The following CDKL4 variants were observed in gnomAD, a reference collection of about 807,000 sequenced individuals.
CDKL4 encodes the protein cyclin-dependent kinase-like 4.
CDKL4 carries 44 observed loss-of-function variants against 42.0 expected under a neutral mutation model. The observed-to-expected ratio is 1.05, with a 90% CI of 0.82 to 1.35. The LOEUF (loss-of-function observed/expected upper bound fraction) is 1.35, where lower values mean the gene tolerates loss of function less well. Among genes scored for constraint, CDKL4 ranks in the 40% most tolerant of loss-of-function variants. The pLI, the probability that CDKL4 is intolerant of heterozygous loss-of-function variation, is 0.00. For missense variants in CDKL4, 393 were observed against 369.9 expected (o/e 1.06, Z -0.51); for synonymous variants, 120 against 121.6 (o/e 0.99, Z 0.09).
upstream of CDKL4, among the ~76,000 whole-genome samples, chr2:39,244,433 A>C (rs1267017431): frequency 6.6e-6 from 1 of 152,192 alleles, no homozygotes; most frequent in Non-Finnish European, 1.5e-5. Context: ...GCGGCTGCAG[A>C]AGGTGTAATG....
At chr2:39,217,896 G>C (rs1189295990) in intron 3 of CDKL4, among the ~76,000 whole-genome samples, 1 of 152,014 alleles carries the variant, frequency 6.6e-6, no homozygotes, top group Non-Finnish European at 1.5e-5. Flanking sequence ...ATCACACTCA[G>C]CTAACTTTGT....
At chr2:39,210,004 T>C (rs986874440) in intron 4 of CDKL4, among the ~76,000 whole-genome samples, 26 of 152,200 alleles carry the variant, frequency 1.7e-4, no homozygotes, top group African/African-American at 5.5e-4. Context: ...TTATCTTTTT[T>C]TGAGACAGAC....
chr2:39,187,977 A>G (rs1054788281), intron 6 of CDKL4, among the ~76,000 whole-genome samples: 1 of 152,050 alleles, frequency 6.6e-6, no homozygotes, highest in East Asian at 1.9e-4. Flanking sequence ...CTGAGGCAGG[A>G]GAATCGCTTG....
upstream of CDKL4, among the ~76,000 whole-genome samples, chr2:39,244,282 C>G (rs1357701948): frequency 6.6e-6 from 1 of 152,256 alleles, no homozygotes; most frequent in Non-Finnish European, 1.5e-5. Flanking sequence ...GAGGGAGAGG[C>G]GCGAGCGGGA....
At chr2:39,226,583 G>T (rs1678761321) in intron 2 of CDKL4, among the ~76,000 whole-genome samples, 1 of 150,880 alleles carries the variant, frequency 6.6e-6, no homozygotes, top group Admixed American at 6.6e-5. Context: ...CATTTCACAA[G>T]ACAGCCTCTG....
chr2:39,198,811 A>G (rs539800879), intron 5 of CDKL4, among the ~76,000 whole-genome samples: 1 of 152,296 alleles, frequency 6.6e-6, no homozygotes, highest in South Asian at 2.1e-4. Context: ...ACAACCTATC[A>G]AAACCTCTGG....
At chr2:39,221,013 G>GTTTTGTTTTTGT (rs1558576037) in intron 3 of CDKL4, among the ~76,000 whole-genome samples, 1 of 73,770 alleles carries the variant, frequency 1.4e-5, no homozygotes, top group Non-Finnish European at 2.5e-5. Context: ...TTTTTTTTTT[G>GTTTTGTTTTTGT]TTTTGTTTTT....
intron 2 of CDKL4, among the ~76,000 whole-genome samples, chr2:39,226,447 A>ATATATAT (rs1553393134): frequency 3.0e-5 from 4 of 135,252 alleles, no homozygotes; most frequent in Non-Finnish European, 4.7e-5. Flanking sequence ...TATATATATT[A>ATATATAT]TATATATATT....
At chr2:39,242,174 TA>T (rs904215485) in intron 1 of CDKL4, among the ~76,000 whole-genome samples, 36 of 152,136 alleles carry the variant, frequency 2.4e-4, no homozygotes, top group African/African-American at 8.7e-4. Context: ...GCCTCTTGAG[TA>T]GCTGAGACTA....
chr2:39,215,109 C>T (rs1677835972), intron 3 of CDKL4, among the ~76,000 whole-genome samples: 2 of 152,198 alleles, frequency 1.3e-5, no homozygotes, highest in African/African-American at 4.8e-5. Flanking sequence ...TCCCACCAAA[C>T]ATCTGTGCAT....
intron 3 of CDKL4, among the ~76,000 whole-genome samples, chr2:39,220,023 A>C (rs554923211): frequency 2.6e-5 from 4 of 152,300 alleles, no homozygotes; most frequent in Admixed American, 6.5e-5. Context: ...TGGGATCTCC[A>C]TGAGATTACT....
At chr2:39,244,468 C>G (rs980539500), upstream of CDKL4, among the ~76,000 whole-genome samples, 1 of 152,244 alleles carries the variant, frequency 6.6e-6, no homozygotes, top group Non-Finnish European at 1.5e-5. Flanking sequence ...GCCAGCCCAC[C>G]GGCGCTGCGC....
intron 1 of CDKL4, among the ~76,000 whole-genome samples, chr2:39,234,195 G>A (rs951212006): frequency 6.6e-6 from 1 of 152,108 alleles, no homozygotes; most frequent in Non-Finnish European, 1.5e-5. Flanking sequence ...CTACAGGCGT[G>A]AGCCACTGCA....
chr2:39,239,295 A>G (rs957718845), intron 1 of CDKL4, among the ~76,000 whole-genome samples: 1 of 152,218 alleles, frequency 6.6e-6, no homozygotes, highest in African/African-American at 2.4e-5. Flanking sequence ...ACTTTCAGTT[A>G]TGCAGATTTC....
intron 3 of CDKL4, among the ~76,000 whole-genome samples, chr2:39,223,627 A>AG (rs200604465): frequency 0.025 from 3,632 of 145,016 alleles, 228 homozygotes; most frequent in African/African-American, 0.095. Flanking sequence ...AAAAAAAAAA[A>AG]AGAGAGATGG....
intron 9 of CDKL4, among the ~76,000 whole-genome samples, chr2:39,177,978 C>G (rs189760899): frequency 1.3e-5 from 2 of 152,222 alleles, no homozygotes; most frequent in African/African-American, 4.8e-5. Flanking sequence ...TGTGAGCCAC[C>G]GCGCCAGCTG....
At chr2:39,187,073 C>T (rs751540329) in intron 7 of CDKL4, among the ~76,000 whole-genome samples, 14 of 152,116 alleles carry the variant, frequency 9.2e-5, no homozygotes, top group South Asian at 2.1e-4. Flanking sequence ...TGGATCATGA[C>T]GGGGGTTCCT....
At chr2:39,232,358 T>C (rs1679127072) in intron 1 of CDKL4, among the ~76,000 whole-genome samples, 1 of 152,200 alleles carries the variant, frequency 6.6e-6, no homozygotes. Flanking sequence ...TAATTCCAGC[T>C]TACTAGGATT....
At chr2:39,184,332 G>T (rs1386385483) in intron 8 of CDKL4, among the ~76,000 whole-genome samples, 1 of 152,084 alleles carries the variant, frequency 6.6e-6, no homozygotes, top group Non-Finnish European at 1.5e-5. Flanking sequence ...GTCTCTCTTG[G>T]GCCTAGTGCA....
Sources: gnomAD v4.1 joint callset for allele counts (sites outside exome capture counted in the v4.1 genomes callset) on GRCh38, gnomAD v4.1.1 for gene constraint, MANE v1.5 for transcripts, NCBI Gene and HGNC (gene_info 2026-07-23, HGNC 2026-07-21) for gene names.